The following MAML3 variants were observed in gnomAD, a reference collection of about 807,000 sequenced individuals.
MAML3 encodes mastermind-like protein 3.
In MAML3, 27 loss-of-function variants were observed where a neutral mutation model predicts 101.9. The observed-to-expected ratio is 0.27, with a 90% CI of 0.20 to 0.37. The LOEUF (loss-of-function observed/expected upper bound fraction) is 0.37. Ranked by LOEUF, MAML3 falls within the 10% of genes least tolerant of loss-of-function variation. The pLI, the probability that MAML3 is intolerant of heterozygous loss-of-function variation, is 1.00. For missense variants in MAML3, 1,316 were observed against 1,444.9 expected (o/e 0.91, Z 1.45); for synonymous variants, 501 against 555.9 (o/e 0.90, Z 1.39).
At chr4:140,029,891 G>T (rs934774405) in intron 1 of MAML3, among the ~76,000 whole-genome samples, 3 of 152,138 alleles carry the variant, frequency 2.0e-5, no homozygotes, top group African/African-American at 7.2e-5. Flanking sequence ...AGTTTGAGGA[G>T]GATTCTGCTT....
At chr4:139,750,996 A>T (rs1020872378) in intron 2 of MAML3, among the ~76,000 whole-genome samples, 2 of 152,184 alleles carry the variant, frequency 1.3e-5, no homozygotes, top group Non-Finnish European at 2.9e-5. Flanking sequence ...GCCTCCTGTG[A>T]TTCAATCACT....
intron 2 of MAML3, among the ~76,000 whole-genome samples, chr4:139,857,801 T>C (rs1731690521): frequency 6.6e-6 from 1 of 152,228 alleles, no homozygotes; most frequent in African/African-American, 2.4e-5. Context: ...TATGTACTAC[T>C]GGAGTCTTCC....
intron 1 of MAML3, among the ~76,000 whole-genome samples, chr4:140,061,804 G>A (rs552926437): frequency 2.6e-5 from 4 of 152,272 alleles, no homozygotes; most frequent in African/African-American, 7.2e-5. Flanking sequence ...ACTGAGAAGA[G>A]AATGACAATA....
At chr4:140,101,055 G>T (rs1288860802) in intron 1 of MAML3, among the ~76,000 whole-genome samples, 2 of 152,112 alleles carry the variant, frequency 1.3e-5, no homozygotes, top group African/African-American at 4.8e-5. Context: ...CCAGGAAGGT[G>T]AGTGAAGCCA....
Position 140,153,359 on chromosome 4 carries a change from C to CT in MAML3, c.-33dup, listed in dbSNP as rs773407965. 9.1e-6 allele frequency: 14 copies of CT among 1,532,892 alleles called. No individual in the cohort carries two copies. The Middle Eastern group carries it at 7.1e-4, about 78-fold the overall frequency. 95.0% of individuals were successfully genotyped at this position (1,532,892 alleles called of 1,614,324 possible). A position where few individuals can be genotyped will look rare whatever the true frequency, so the allele number is the denominator to read the frequency against. Reference sequence around the variant, plus strand: ...CCCCGGGCACACTATTTTGGAAGAACTTTTTTTATCCACCCCCCTATCAGC... The same window carrying CT: ...CCCCGGGCACACTATTTTGGAAGAACTTTTTTTTATCCACCCCCCTATCAGC... On this transcript the variant is annotated 5_prime_UTR_variant, in exon 1 of 5. Transcript: ENST00000509479.
intron 2 of MAML3, among the ~76,000 whole-genome samples, chr4:139,762,765 G>T (rs1366320573): frequency 6.6e-6 from 1 of 152,152 alleles, no homozygotes; most frequent in Non-Finnish European, 1.5e-5. Flanking sequence ...AGGTAGAAAT[G>T]GTTGAGAATA....
chr4:139,906,830 TC>T (rs1167307367), intron 1 of MAML3, among the ~76,000 whole-genome samples: 1 of 152,174 alleles, frequency 6.6e-6, no homozygotes, highest in African/African-American at 2.4e-5. Context: ...TCTCTAAAAC[TC>T]CCCTGGGACA....
At chr4:139,955,663 C>T (rs887868667) in intron 1 of MAML3, among the ~76,000 whole-genome samples, 12 of 152,104 alleles carry the variant, frequency 7.9e-5, no homozygotes, top group African/African-American at 2.9e-4. Flanking sequence ...TTAAATGGAC[C>T]ACCTAAAAGC....
At chr4:140,036,316 G>C (rs1054693491) in intron 1 of MAML3, among the ~76,000 whole-genome samples, 1 of 152,202 alleles carries the variant, frequency 6.6e-6, no homozygotes, top group Non-Finnish European at 1.5e-5. Flanking sequence ...AGCAGCTGGA[G>C]AGAGGGATGT....
At chr4:140,009,132 A>T (rs1294295026) in intron 1 of MAML3, among the ~76,000 whole-genome samples, 1 of 152,178 alleles carries the variant, frequency 6.6e-6, no homozygotes, top group Non-Finnish European at 1.5e-5. Flanking sequence ...ACATGCTCAA[A>T]TCTGACAACA....
At chr4:139,748,885 C>T (rs1461393405) in intron 2 of MAML3, among the ~76,000 whole-genome samples, 2 of 152,122 alleles carry the variant, frequency 1.3e-5, no homozygotes, top group African/African-American at 4.8e-5. Context: ...GTTTTGCTGG[C>T]CTCCGAAGAG....
At chr4:140,113,925 T>C (rs188027987) in intron 1 of MAML3, among the ~76,000 whole-genome samples, 1 of 152,306 alleles carries the variant, frequency 6.6e-6, no homozygotes, top group East Asian at 1.9e-4. Context: ...GTTCTCAGTA[T>C]CTGCTCCCAC....
At chr4:140,064,124 G>A (rs147918671) in intron 1 of MAML3, among the ~76,000 whole-genome samples, 6 of 152,188 alleles carry the variant, frequency 3.9e-5, no homozygotes, top group African/African-American at 1.4e-4. Flanking sequence ...CGTAAACTTT[G>A]TATTTTAATA....
chr4:139,769,761 A>C (rs1283639130), intron 2 of MAML3, among the ~76,000 whole-genome samples: 2 of 152,002 alleles, frequency 1.3e-5, no homozygotes, highest in Non-Finnish European at 2.9e-5. Flanking sequence ...AATTACAGGC[A>C]TGTGCCACCA....
intron 1 of MAML3, among the ~76,000 whole-genome samples, chr4:140,075,110 A>C (rs536618518): frequency 6.6e-6 from 1 of 152,300 alleles, no homozygotes; most frequent in South Asian, 2.1e-4. Flanking sequence ...AGTGCTTTAG[A>C]TCTATCATCT....
intron 2 of MAML3, among the ~76,000 whole-genome samples, chr4:139,791,235 G>A (rs1387417094): frequency 5.3e-5 from 8 of 152,096 alleles, no homozygotes; most frequent in Admixed American, 3.3e-4. Flanking sequence ...GGTGGCTTAC[G>A]CCTGTAATCC....
intron 2 of MAML3, chr4:139,888,489 C>T (rs1732384526): frequency 3.5e-5 from 18 of 517,494 alleles, no homozygotes; most frequent in South Asian, 2.5e-4. Flanking sequence ...CCACTCTCTC[C>T]TTCAGGGTAG....
chr4:140,060,382 A>AAAAAAAAAAAAAAAC (rs1560880625), intron 1 of MAML3, among the ~76,000 whole-genome samples: 1 of 148,552 alleles, frequency 6.7e-6, no homozygotes, highest in African/African-American at 2.5e-5. Context: ...AAAAAAAAAA[A>AAAAAAAAAAAAAAAC]AAAGTCACAA....
chr4:139,872,001 G>A lies in MAML3; in HGVS notation c.2079+17356C>T, dbSNP rs184330618. On this transcript the variant is annotated intron_variant, in intron 2 of 4. Coordinates refer to ENST00000509479, the MANE Select transcript of MAML3 (RefSeq NM_018717.5). ...GAAATTTCACCAGATTGGGTGAAAC[G>A]TGTTTACAATACTAGGAAGTGAACA... Among the ~76,000 whole-genome samples the A allele has an allele frequency of 3.7e-4, 56 of 152,220 alleles. 1 individual carries two copies. Among genetic ancestry groups the A allele is most frequent in the Admixed American group, 1.8e-3 (27 of 15,302 alleles).
Sources: allele counts gnomAD v4.1 joint callset (sites outside exome capture counted in the v4.1 genomes callset), GRCh38; gene constraint gnomAD v4.1.1; transcripts MANE v1.5; gene names NCBI Gene and HGNC (gene_info 2026-07-23, HGNC 2026-07-21).